Variants in SLC28A3 observed in about 807,000 individuals in gnomAD.
SLC28A3 encodes the protein concentrative Na(+)-nucleoside cotransporter 3.
A neutral mutation model predicts 84.2 loss-of-function variants in SLC28A3; 68 were observed. The ratio of observed to expected loss-of-function variants is 0.81; its 90% CI spans 0.66 to 0.99. The LOEUF is 0.99. Among genes scored for constraint, SLC28A3 ranks in the 50% least tolerant of loss-of-function variants. The pLI, the probability that SLC28A3 is intolerant of heterozygous loss-of-function variation, is 0.00. For missense variants in SLC28A3, 712 were observed against 841.5 expected (o/e 0.85, Z 1.90); for synonymous variants, 267 against 303.6 (o/e 0.88, Z 1.25).
chr9:84,307,440 A>G (rs1028282099), intron 3 of SLC28A3, among the ~76,000 whole-genome samples: 1 of 150,808 alleles, frequency 6.6e-6, no homozygotes, highest in Admixed American at 6.7e-5. Flanking sequence ...CAAAAAAAAA[A>G]AAAAACAAAA....
intron 11 of SLC28A3, 30 bp downstream of exon 11, chr9:84,290,124 G>A (rs931647771): frequency 3.1e-6 from 5 of 1,607,266 alleles, no homozygotes; most frequent in Non-Finnish European, 4.3e-6. Context: ...AGAAGAGGTT[G>A]GTGTTTTCAT....
chr9:84,297,781 T>A (rs1825471953), intron 7 of SLC28A3, 125 bp downstream of exon 7: 3 of 772,166 alleles, frequency 3.9e-6, no homozygotes, highest in Non-Finnish European at 6.5e-6. Flanking sequence ...GTCTAACCCA[T>A]GATGCAGAAT....
chr9:84,296,661 C>T (rs1342572759), intron 8 of SLC28A3, among the ~76,000 whole-genome samples: 1 of 152,200 alleles, frequency 6.6e-6, no homozygotes, highest in Non-Finnish European at 1.5e-5. Context: ...AATAATGTTC[C>T]TTCTTTAGTT....
In SLC28A3 at chr9:84,280,042, G is replaced by A. The variant is rs551280774; in HGVS notation, c.1761C>T (p.Ile587=). Residue 587 remains isoleucine, a synonymous_variant, in exon 16 of 18, where the codon ATC becomes ATT. Coordinates refer to ENST00000376238, the MANE Select transcript of SLC28A3 (RefSeq NM_001199633.2). The stretch of plus-strand genomic sequence containing the variant: ...TCAGAGCTCTCACTGCCCCCGAGGC[G>A]ATATCACGCTTTCTGGAAGGAGCCA... ...TSMAPSRKRD[I]ASGAVRALIA... 76 of 1,613,922 alleles carry A rather than the reference G, an allele frequency of 4.7e-5. 2 individuals are homozygous for A. In the South Asian group the frequency reaches 5.5e-4, roughly 12 times the overall value.
intron 1 of SLC28A3, among the ~76,000 whole-genome samples, chr9:84,340,364 T>C (rs755939387): frequency 2.6e-5 from 4 of 152,144 alleles, no homozygotes; most frequent in African/African-American, 4.8e-5. Context: ...TAAGTGACCA[T>C]AGGGATCACA....
chr9:84,328,758 A>C (rs1403209482), intron 1 of SLC28A3, among the ~76,000 whole-genome samples: 1 of 151,046 alleles, frequency 6.6e-6, no homozygotes, highest in Non-Finnish European at 1.5e-5. Context: ...GACTCTAAAA[A>C]CAAAAAACAG....
intron 2 of SLC28A3, 104 bp from the exon 3 acceptor site, chr9:84,309,818 C>A: frequency 1.2e-6 from 1 of 847,358 alleles, no homozygotes; most frequent in Non-Finnish European, 1.9e-6. Flanking sequence ...TCAATAGGTC[C>A]TTTTAAATTA....
chr9:84,291,616 G>A (rs1040097368), intron 10 of SLC28A3, among the ~76,000 whole-genome samples: 37 of 152,228 alleles, frequency 2.4e-4, no homozygotes, highest in African/African-American at 7.0e-4. Context: ...GATTACAGGC[G>A]TGAGCCACTG....
Position 84,278,088 on chromosome 9 carries a change from A to G in SLC28A3, c.*130T>C, listed in dbSNP as rs1345231347. 2 of 1,248,432 alleles carry G rather than the reference A, an allele frequency of 1.6e-6. No homozygotes were observed. Among genetic ancestry groups the G allele is most frequent in the Non-Finnish European group, 2.2e-6 (2 of 922,572 alleles). 77.3% of individuals were successfully genotyped at this position (1,248,432 alleles called of 1,614,324 possible). On this transcript the variant is annotated 3_prime_UTR_variant, in exon 18 of 18. Coordinates refer to ENST00000376238, the MANE Select transcript of SLC28A3 (RefSeq NM_001199633.2). ...TGAAGGTCCACTCTTGTTTTTCTTCATTCCTTGCAATTAAAGCTGATTCCA... is the reference window on the plus strand; with the variant it reads ...TGAAGGTCCACTCTTGTTTTTCTTCGTTCCTTGCAATTAAAGCTGATTCCA...
intron 2 of SLC28A3, among the ~76,000 whole-genome samples, chr9:84,310,040 A>G (rs1031594005): frequency 1.3e-5 from 2 of 152,118 alleles, no homozygotes; most frequent in African/African-American, 4.8e-5. Context: ...CTCTGTTTTC[A>G]GCCAAGTACT....
chr9:84,335,712 C>CGTGT (rs56259271), intron 1 of SLC28A3, among the ~76,000 whole-genome samples: 9,500 of 148,868 alleles, frequency 0.064, 315 homozygotes, highest in Non-Finnish European at 0.077. Flanking sequence ...TATGTATATA[C>CGTGT]GTGTGTGTGT....
At chr9:84,282,378 G>T (rs964308180) in intron 14 of SLC28A3, among the ~76,000 whole-genome samples, 1 of 151,682 alleles carries the variant, frequency 6.6e-6, no homozygotes, top group African/African-American at 2.4e-5. Flanking sequence ...CCCTTAAGTT[G>T]GTATATAAAT....
chr9:84,286,445 C>CTTT lies in SLC28A3; in HGVS notation c.1281-337_1281-335dup, dbSNP rs71498094. Among the ~76,000 whole-genome samples the CTTT allele has an allele frequency of 7.3e-3, 643 of 87,644 alleles. 38 individuals are homozygous for CTTT. The highest frequency in any genetic ancestry group is 0.029 in the African/African-American group (603 of 21,008). The allele number at this position is 87,644 out of a possible 152,430, so 57.5% of individuals were successfully genotyped here. ...ATAGCATGTGTGCCACCATGCTTGG[C>CTTT]TTTTTTTTTTTTTTTTTTTTTTTAA... is the stretch of plus-strand genomic sequence containing the variant. On this transcript the variant is annotated intron_variant, in intron 12 of 17. Coordinates refer to ENST00000376238, the MANE Select transcript of SLC28A3 (RefSeq NM_001199633.2).
chr9:84,340,810 GT>G, upstream of SLC28A3: 4 of 603,762 alleles, frequency 6.6e-6, no homozygotes, highest in South Asian at 2.0e-5. Flanking sequence ...CCTGGTTGGG[GT>G]GGGGCAGAGA....
chr9:84,347,723 A>T, the SLC28A3 span, among the ~76,000 whole-genome samples: 2 of 152,204 alleles, frequency 1.3e-5, no homozygotes, highest in Admixed American at 6.5e-5. Context: ...TGCTATATTG[A>T]TTCCACCAGA....
At chr9:84,339,551 C>T (rs7027983) in intron 1 of SLC28A3, among the ~76,000 whole-genome samples, 88,239 of 152,052 alleles carry the variant, frequency 0.58, 26,012 homozygotes, top group Middle Eastern at 0.67. Flanking sequence ...CTGCCAGCCA[C>T]ATGTGAGATT....
At position 84,328,726 on chromosome 9, in the gene SLC28A3, T is replaced by A. The variant is rs897107554; in HGVS notation, c.60+11848A>T. Among the ~76,000 whole-genome samples, 11 of 152,124 alleles carry A rather than the reference T, an allele frequency of 7.2e-5. 1 individual carries two copies. The highest frequency in any genetic ancestry group is 4.4e-5 in the Non-Finnish European group (3 of 68,028). On this transcript the variant is annotated intron_variant, in intron 1 of 17. Transcript: ENST00000376238. ...GTGAACCAAAATAACACCACTGCACTTCAGCCTGGGTGACAGAGTGAGACT... is the reference window on the plus strand; with the variant it reads ...GTGAACCAAAATAACACCACTGCACATCAGCCTGGGTGACAGAGTGAGACT...
chr9:84,341,984 C>A (rs1827168411), upstream of SLC28A3, among the ~76,000 whole-genome samples: 1 of 151,860 alleles, frequency 6.6e-6, no homozygotes, highest in Non-Finnish European at 1.5e-5. Flanking sequence ...CAAAAATTAG[C>A]CAGGAGTGAT....
the SLC28A3 span, among the ~76,000 whole-genome samples, chr9:84,367,616 A>C: frequency 6.6e-6 from 1 of 152,158 alleles, no homozygotes; most frequent in Non-Finnish European, 1.5e-5. Flanking sequence ...GAGTTCCCTC[A>C]GTATTTATTG....
Sources: gnomAD v4.1 joint callset for allele counts (sites outside exome capture counted in the v4.1 genomes callset) on GRCh38, gnomAD v4.1.1 for gene constraint, MANE v1.5 for transcripts, NCBI Gene and HGNC (gene_info 2026-07-23, HGNC 2026-07-21) for gene names.